Variants in MYO16 observed in about 807,000 individuals in gnomAD.
The protein encoded by MYO16 is myosin XVI.
MYO16 carries 94 observed loss-of-function variants against 205.3 expected under a neutral mutation model. The ratio of observed to expected loss-of-function variants is 0.46; its 90% CI spans 0.39 to 0.54. The LOEUF is 0.54. Ranked by LOEUF, MYO16 falls within the 20% of genes least tolerant of loss-of-function variation. MYO16 has a pLI of 0.00. For missense variants in MYO16, 2,315 were observed against 2,387.5 expected (o/e 0.97, Z 0.63); for synonymous variants, 988 against 954.0 (o/e 1.04, Z -0.66).
intron 2 of MYO16, among the ~76,000 whole-genome samples, chr13:108,679,081 C>A (rs1419417171): frequency 1.3e-5 from 2 of 152,164 alleles, no homozygotes; most frequent in Non-Finnish European, 2.9e-5. Context: ...CCAGAGACCC[C>A]ACCTCCTAGT....
intron 4 of MYO16, among the ~76,000 whole-genome samples, chr13:108,778,113 C>T (rs1427709673): frequency 6.6e-6 from 1 of 152,162 alleles, no homozygotes; most frequent in Non-Finnish European, 1.5e-5. Context: ...TTTCCCCAGA[C>T]GATACTGGGA....
chr13:108,853,538 G>C (rs1022444761), intron 10 of MYO16, among the ~76,000 whole-genome samples: 1 of 151,282 alleles, frequency 6.6e-6, no homozygotes, highest in Non-Finnish European at 1.5e-5. Context: ...GGGTGTTTGA[G>C]TTTGTGCATC....
the MYO16 span, among the ~76,000 whole-genome samples, chr13:108,579,397 G>A: frequency 6.6e-6 from 1 of 151,924 alleles, no homozygotes; most frequent in Non-Finnish European, 1.5e-5. Context: ...AGGTCTGAAG[G>A]ATTAATGCTG....
intron 2 of MYO16, among the ~76,000 whole-genome samples, chr13:108,676,370 C>CACGT (rs1245845490): frequency 3.7e-4 from 10 of 27,262 alleles, no homozygotes; most frequent in South Asian, 2.0e-3. Context: ...ATTATATGTA[C>CACGT]GCGTGTGTGT....
intron 1 of MYO16, among the ~76,000 whole-genome samples, chr13:108,623,263 G>T (rs565799186): frequency 6.6e-6 from 1 of 152,108 alleles, no homozygotes; most frequent in Non-Finnish European, 1.5e-5. Flanking sequence ...TATCCAAAAG[G>T]CCTGAGACTT....
At position 109,127,754 on chromosome 13, in the gene MYO16, A is replaced by C. The variant is rs1236846934; in HGVS notation, c.4051+204A>C. 1.3e-5 allele frequency among the ~76,000 whole-genome samples: 2 copies of C among 151,906 alleles called. No individual in the cohort carries two copies. The highest frequency in any genetic ancestry group is 4.8e-5 in the African/African-American group (2 of 41,336). On this transcript the variant is annotated intron_variant, in intron 31 of 34. Transcript: ENST00000457511. The surrounding 1 kb of genome is among the most constrained non-coding windows in gnomAD (Gnocchi z 4.2). ...AGCCTCTTAGGGAAAAGCTACTTAC[A>C]TGGCATTTCCTTAACTCCCATCCCC...
intron 34 of MYO16, among the ~76,000 whole-genome samples, chr13:109,180,925 C>G (rs534380617): frequency 4.6e-5 from 7 of 152,208 alleles, no homozygotes; most frequent in Non-Finnish European, 8.8e-5. Flanking sequence ...AGGCCTGACT[C>G]CTGTACATTA....
At chr13:108,818,676 A>G (rs1875779008) in intron 7 of MYO16, among the ~76,000 whole-genome samples, 2 of 152,196 alleles carry the variant, frequency 1.3e-5, no homozygotes, top group South Asian at 2.1e-4. Flanking sequence ...GATAGTGTGC[A>G]TGCAAATGGA....
At chr13:109,041,406 G>A (rs1433658530) in intron 23 of MYO16, among the ~76,000 whole-genome samples, 1 of 152,142 alleles carries the variant, frequency 6.6e-6, no homozygotes, top group Non-Finnish European at 1.5e-5. Context: ...AGGTAAAGAA[G>A]ATAGAATAGC....
intron 34 of MYO16, 39 bp downstream of exon 34, chr13:109,179,672 G>A (rs1267170692): frequency 4.7e-6 from 7 of 1,501,894 alleles, no homozygotes; most frequent in Middle Eastern, 1.7e-4. Context: ...AGTGACAAAT[G>A]GAATTAAGTT....
At chr13:108,516,914 G>C in the MYO16 span, among the ~76,000 whole-genome samples, 355 of 144,806 alleles carry the variant, frequency 2.5e-3, 1 homozygote, top group African/African-American at 9.5e-3. Flanking sequence ...TGCCATTTGA[G>C]TAATTATGTT....
chr13:109,126,080 T>C (rs1383596344), intron 30 of MYO16, among the ~76,000 whole-genome samples: 4 of 152,224 alleles, frequency 2.6e-5, no homozygotes, highest in African/African-American at 9.6e-5. Context: ...TGTTTTGCTA[T>C]AGAAACTTGG....
intron 34 of MYO16, among the ~76,000 whole-genome samples, chr13:109,201,895 C>G (rs767668399): frequency 6.6e-6 from 1 of 152,074 alleles, no homozygotes; most frequent in Non-Finnish European, 1.5e-5. Context: ...CAATAGTCTC[C>G]AATCCCATCC....
intron 1 of MYO16, among the ~76,000 whole-genome samples, chr13:108,639,983 C>A (rs1424461383): frequency 6.6e-6 from 1 of 152,128 alleles, no homozygotes. Context: ...TTGGGCATGC[C>A]AAGTCCCACG....
At chr13:109,173,947 T>TTG (rs1555338662) in intron 33 of MYO16, among the ~76,000 whole-genome samples, 6 of 115,236 alleles carry the variant, frequency 5.2e-5, no homozygotes, top group African/African-American at 2.1e-4. Context: ...CTTGTTTTGA[T>TTG]GGGGGGGGGT....
intron 13 of MYO16, among the ~76,000 whole-genome samples, chr13:108,886,911 T>G (rs1879925918): frequency 6.6e-6 from 1 of 152,198 alleles, no homozygotes; most frequent in Non-Finnish European, 1.5e-5. Flanking sequence ...TTCTCTTTCT[T>G]CTTTCAAAAT....
At chr13:108,604,168 A>AC (rs979107564) in intron 1 of MYO16, among the ~76,000 whole-genome samples, 2 of 151,822 alleles carry the variant, frequency 1.3e-5, no homozygotes, top group East Asian at 1.9e-4. Flanking sequence ...ATGATTAATC[A>AC]CCCCCCATGA....
At chr13:108,733,974 A>T (rs567161812) in intron 4 of MYO16, among the ~76,000 whole-genome samples, 36 of 152,358 alleles carry the variant, frequency 2.4e-4, no homozygotes, top group East Asian at 1.7e-3. Context: ...GTCTCAAAAA[A>T]AAATAAATAA....
intron 2 of MYO16, among the ~76,000 whole-genome samples, chr13:108,708,636 T>G (rs1883605715): frequency 6.6e-6 from 1 of 152,242 alleles, no homozygotes; most frequent in Non-Finnish European, 1.5e-5. Flanking sequence ...TGCTTAGTTT[T>G]ATCTTCCTTT....
Sources: gnomAD v4.1 joint callset for allele counts (sites outside exome capture counted in the v4.1 genomes callset) on GRCh38, gnomAD v4.1.1 for gene constraint, Gnocchi (gnomAD v3.1) non-coding constraint, MANE v1.5 for transcripts, NCBI Gene and HGNC (gene_info 2026-07-23, HGNC 2026-07-21) for gene names.